KCNK13: variants seen among roughly 807,000 people sequenced by gnomAD.
KCNK13 encodes the protein potassium channel subfamily K member 13.
In KCNK13, 12 loss-of-function variants were observed where a neutral mutation model predicts 23.4. That is an observed-to-expected ratio of 0.51 (90% CI 0.33 to 0.83). The LOEUF is 0.83. KCNK13 is among the 40% of genes least tolerant of loss of function. The pLI is 0.02. For synonymous variants in KCNK13, 231 were observed against 229.5 expected (o/e 1.01, Z -0.06); for missense variants, 463 against 556.3 (o/e 0.83, Z 1.69).
intron 1 of KCNK13, among the ~76,000 whole-genome samples, chr14:90,085,800 TTATATATTATATTA>T (rs1889267628): frequency 1.2e-5 from 1 of 84,296 alleles, no homozygotes; most frequent in African/African-American, 5.9e-5. Flanking sequence ...ATACTTTATA[TTATATATTATATTA>T]TATATTATAT....
intron 1 of KCNK13, among the ~76,000 whole-genome samples, chr14:90,075,594 T>C (rs774563538): frequency 1.3e-5 from 2 of 152,218 alleles, no homozygotes; most frequent in Non-Finnish European, 2.9e-5. Flanking sequence ...TTCTCCTGCC[T>C]CAGCCTCCTG....
At chr14:90,138,711 A>G (rs183428932) in intron 1 of KCNK13, among the ~76,000 whole-genome samples, 1 of 152,346 alleles carries the variant, frequency 6.6e-6, no homozygotes, top group African/African-American at 2.4e-5. Context: ...TGCACTGCAC[A>G]AAGGCCCCCA....
chr14:90,077,340 C>T (rs552703130), intron 1 of KCNK13, among the ~76,000 whole-genome samples: 1 of 151,848 alleles, frequency 6.6e-6, no homozygotes, highest in East Asian at 1.9e-4. Flanking sequence ...AGGCTGGTCT[C>T]GAACTCCTGG....
intron 1 of KCNK13, among the ~76,000 whole-genome samples, chr14:90,065,124 A>G (rs1426575857): frequency 6.6e-6 from 1 of 152,204 alleles, no homozygotes; most frequent in Non-Finnish European, 1.5e-5. Flanking sequence ...CTCTGCGTAT[A>G]CTTATATACA....
chr14:90,132,819 T>C (rs1164784095), intron 1 of KCNK13, among the ~76,000 whole-genome samples: 1 of 152,174 alleles, frequency 6.6e-6, no homozygotes, highest in Admixed American at 6.5e-5. Context: ...TGTACCTCAG[T>C]TCACTGTTTA....
chr14:90,080,769 G>A (rs1404970166), intron 1 of KCNK13, among the ~76,000 whole-genome samples: 1 of 152,098 alleles, frequency 6.6e-6, no homozygotes, highest in African/African-American at 2.4e-5. Flanking sequence ...ATTCCCCAGG[G>A]CTAAGAGAAA....
chr14:90,164,324 A>G (rs532766718), intron 1 of KCNK13, among the ~76,000 whole-genome samples: 65 of 152,348 alleles, frequency 4.3e-4, no homozygotes, highest in Middle Eastern at 3.4e-3. Context: ...ATTTTTAAGG[A>G]AAGGCCCCAA....
At chr14:90,120,621 G>A (rs1455455730) in intron 1 of KCNK13, among the ~76,000 whole-genome samples, 1 of 152,120 alleles carries the variant, frequency 6.6e-6, no homozygotes, top group Non-Finnish European at 1.5e-5. Flanking sequence ...ACGGCATGGG[G>A]GCAACTGCCC....
chr14:90,162,917 C>A (rs1890266073), intron 1 of KCNK13, among the ~76,000 whole-genome samples: 1 of 152,084 alleles, frequency 6.6e-6, no homozygotes, highest in Non-Finnish European at 1.5e-5. Context: ...AGAGCTCTTA[C>A]CAACCAATAA....
chr14:90,146,050 G>C (rs1401941276), intron 1 of KCNK13, among the ~76,000 whole-genome samples: 1 of 152,098 alleles, frequency 6.6e-6, no homozygotes, highest in African/African-American at 2.4e-5. Flanking sequence ...GATAGTTGTT[G>C]AAATCTTAAG....
intron 1 of KCNK13, among the ~76,000 whole-genome samples, chr14:90,080,686 T>C (rs1471862114): frequency 6.6e-6 from 1 of 152,230 alleles, no homozygotes; most frequent in Non-Finnish European, 1.5e-5. Context: ...CTCTTTCTTC[T>C]TTGTATCCCC....
At chr14:90,160,001 G>A (rs949793271) in intron 1 of KCNK13, among the ~76,000 whole-genome samples, 1 of 151,842 alleles carries the variant, frequency 6.6e-6, no homozygotes, top group South Asian at 2.1e-4. Flanking sequence ...AGAGGGGGTT[G>A]CAGGACAAGC....
At chr14:90,119,844 C>A (rs1315357693) in intron 1 of KCNK13, among the ~76,000 whole-genome samples, 1 of 152,180 alleles carries the variant, frequency 6.6e-6, no homozygotes. Flanking sequence ...AAGTGATCCG[C>A]CCACCTTGGC....
intron 1 of KCNK13, among the ~76,000 whole-genome samples, chr14:90,085,584 G>A (rs760486489): frequency 5.3e-5 from 8 of 149,988 alleles, no homozygotes; most frequent in Admixed American, 2.0e-4. Flanking sequence ...ATTTGAACCC[G>A]GGAGGCGGAG....
chr14:90,090,225 A>T (rs1336569966), intron 1 of KCNK13, among the ~76,000 whole-genome samples: 2 of 152,262 alleles, frequency 1.3e-5, no homozygotes, highest in Non-Finnish European at 2.9e-5. Flanking sequence ...CTGCAAAGCC[A>T]CAGGGGCAGA....
At chr14:90,080,094 C>CCCTAGTTGAGTTTTGAAGGTATTGAAT (rs1333535159) in intron 1 of KCNK13, among the ~76,000 whole-genome samples, 29 of 152,208 alleles carry the variant, frequency 1.9e-4, no homozygotes, top group Middle Eastern at 6.8e-3. Flanking sequence ...CTGGAGGGAT[C>CCCTAGTTGAGTTTTGAAGGTATTGAAT]CCTAGTTGAG....
At chr14:90,120,547 AG>A (rs1232524165) in intron 1 of KCNK13, among the ~76,000 whole-genome samples, 1 of 152,214 alleles carries the variant, frequency 6.6e-6, no homozygotes, top group African/African-American at 2.4e-5. Context: ...GAGTGCCAGC[AG>A]GGAAAATGTC....
At chr14:90,119,790 AG>A (rs1380059414) in intron 1 of KCNK13, among the ~76,000 whole-genome samples, 1 of 152,096 alleles carries the variant, frequency 6.6e-6, no homozygotes, top group Non-Finnish European at 1.5e-5. Context: ...AGTAGAGAGA[AG>A]GTTTCACCAT....
At chr14:90,107,031 A>G (rs1467269238) in intron 1 of KCNK13, among the ~76,000 whole-genome samples, 2 of 152,118 alleles carry the variant, frequency 1.3e-5, no homozygotes, top group African/African-American at 4.8e-5. Flanking sequence ...AAAAAAAAGA[A>G]AGTACATAAA....
Sources: allele counts gnomAD v4.1 joint callset (sites outside exome capture counted in the v4.1 genomes callset), GRCh38; gene constraint gnomAD v4.1.1; transcripts MANE v1.5; gene names NCBI Gene and HGNC (gene_info 2026-07-23, HGNC 2026-07-21).